SGSM2: variants seen among roughly 807,000 people sequenced by gnomAD.
SGSM2 encodes the protein small G protein signaling modulator 2.
Under a neutral mutation model 126.6 loss-of-function variants are expected in SGSM2, and 89 were observed. The ratio of observed to expected loss-of-function variants is 0.70; its 90% CI spans 0.59 to 0.84. SGSM2 has a LOEUF of 0.84. Among genes scored for constraint, SGSM2 ranks in the 40% least tolerant of loss-of-function variants. The pLI is 0.00. For synonymous variants in SGSM2, 614 were observed against 574.3 expected, an observed-to-expected ratio of 1.07 and a Z score of -0.99; for missense variants, 1,404 against 1,416.6, an observed-to-expected ratio of 0.99 and a Z score of 0.14.
At chr17:2,378,996 C>T (rs531701114) in intron 22 of SGSM2, 40 bp from the exon 23 acceptor site, 7 of 1,586,482 alleles carry the variant, frequency 4.4e-6, no homozygotes, top group East Asian at 2.3e-5. Context: ...CCCAGATATG[C>T]GGCTAGGACG....
chr17:2,375,711 G>C lies in SGSM2; in HGVS notation c.2320G>C (p.Val774Leu). The change falls in exon 18 of 24, where the codon GTG (valine) becomes CTG (leucine). Residue 774 changes from valine (V) to leucine (L), a missense_variant. Coordinates refer to ENST00000268989, the MANE Select transcript of SGSM2 (RefSeq NM_014853.3). Reference sequence around the variant, plus strand: ...GTCAAGCCTAGATGAGGGGCAGAGCGTGGGCTTCGAAGAGGAGGACGGCGG... The same window carrying C: ...GTCAAGCCTAGATGAGGGGCAGAGCCTGGGCTTCGAAGAGGAGGACGGCGG... Reference protein sequence around the residue: ...IQSSLDEGQSVGFEEEDGGGE... With the variant: ...IQSSLDEGQSLGFEEEDGGGE... 6.2e-7 allele frequency: 1 copy of C among 1,611,900 alleles called. No homozygotes were observed. Among genetic ancestry groups the C allele is most frequent in the Non-Finnish European group, 8.5e-7 (1 of 1,178,344 alleles).
chr17:2,343,743 C>T, intron 2 of SGSM2, 123 bp downstream of exon 2: 1 of 798,104 alleles, frequency 1.3e-6, no homozygotes, highest in Non-Finnish European at 2.1e-6. Flanking sequence ...TCCAAATCAA[C>T]CTGGAAGCTT....
Position 2,376,250 on chromosome 17 carries a change from C to G in SGSM2, c.2598C>G (p.Asp866Glu). The G allele has an allele frequency of 6.2e-7, 1 of 1,613,302 alleles. No individual in the cohort carries two copies. The highest frequency in any genetic ancestry group is 8.5e-7 in the Non-Finnish European group (1 of 1,179,744). ...FTPPNLERLR[D>E]VMCSYVWEHL... ...CCCCCAACCTCGAGAGGCTCAGAGA[C>G]GTCATGTGCAGGTGCCTTGTGGGGC... Residue 866 changes from aspartate to glutamate, a missense_variant, in exon 19 of 24, where the codon GAC becomes GAG. Physicochemically the swap from Asp to Glu is conservative, Grantham distance 45. Coordinates refer to ENST00000268989, the MANE Select transcript of SGSM2 (RefSeq NM_014853.3).
intron 9 of SGSM2, 34 bp from the exon 10 acceptor site, chr17:2,364,863 G>T: frequency 6.3e-7 from 1 of 1,597,986 alleles, no homozygotes; most frequent in Non-Finnish European, 8.5e-7. Flanking sequence ...GCCGACGAGA[G>T]GGCCTCAGCC....
intron 13 of SGSM2, chr17:2,371,725 G>A (rs753178626): frequency 6.6e-5 from 27 of 408,630 alleles, no homozygotes; most frequent in Non-Finnish European, 1.1e-4. Flanking sequence ...GCACATCATG[G>A]GCTCAGTGCC....
At chr17:2,354,390 ACCTC>A (rs1216382849) in intron 2 of SGSM2, among the ~76,000 whole-genome samples, 1 of 151,890 alleles carries the variant, frequency 6.6e-6, no homozygotes, top group Admixed American at 6.6e-5. Flanking sequence ...CTTTGTTCAC[ACCTC>A]CCTTTTTGTA....
At position 2,367,357 on chromosome 17, in the gene SGSM2, C is replaced by A. The variant is rs759235328; in HGVS notation, c.1375C>A (p.Leu459Ile). Reference protein sequence around the residue: ...EEEEDKLHAMLSMICSRNLTA... With the variant: ...EEEEDKLHAMISMICSRNLTA... ...AGAGGAGGATAAACTGCACGCGATG[C>A]TCTCAATGATCTGCTCGCGGAACCT... Residue 459 changes from leucine to isoleucine, a missense_variant, in exon 12 of 24, where the codon CTC (leucine) becomes ATC (isoleucine). Physicochemically the swap from Leu to Ile is conservative, Grantham distance 5. Transcript: ENST00000268989. This position sits in a 1 kb window ranked among gnomAD's most constrained non-coding sequence, Gnocchi z 4.0. 6.2e-7 allele frequency: 1 copy of A among 1,614,214 alleles called. No individual in the cohort carries two copies. The highest frequency in any genetic ancestry group is 1.1e-5 in the South Asian group (1 of 91,088).
intron 2 of SGSM2, among the ~76,000 whole-genome samples, chr17:2,358,100 T>G (rs1329862447): frequency 6.6e-6 from 1 of 152,232 alleles, no homozygotes; most frequent in East Asian, 1.9e-4. Flanking sequence ...GCCACCACCC[T>G]CCACCCTGGG....
chr17:2,365,130 G>A (rs949952044), intron 10 of SGSM2, 73 bp downstream of exon 10: 16 of 1,596,214 alleles, frequency 1.0e-5, no homozygotes, highest in East Asian at 6.7e-5. Context: ...CCTTCCCCAC[G>A]TGGAGTTCTT....
chr17:2,350,481 A>G (rs2064797557), intron 2 of SGSM2, among the ~76,000 whole-genome samples: 1 of 151,720 alleles, frequency 6.6e-6, no homozygotes, highest in Non-Finnish European at 1.5e-5. Flanking sequence ...GTGGTGGCGC[A>G]CGTCTATAAT....
chr17:2,372,959 A>G lies in SGSM2; in HGVS notation c.1795A>G (p.Lys599Glu). The change falls in exon 16 of 24, where the codon AAA becomes GAA. Residue 599 changes from lysine (K) to glutamate (E), a missense_variant. Physicochemically the swap from Lys to Glu is moderately conservative, Grantham distance 56. Coordinates refer to ENST00000268989, the MANE Select transcript of SGSM2 (RefSeq NM_014853.3). This position sits in a 1 kb window ranked among gnomAD's most constrained non-coding sequence, Gnocchi z 6.0. ...SKYQKDKKNY[K>E]ELELLRQVYY... Reference sequence around the variant, plus strand: ...GACTCCCCGGGTCCCTCAGAACTACAAAGAGCTGGAGCTGCTGCGGCAAGT... The same window carrying G: ...GACTCCCCGGGTCCCTCAGAACTACGAAGAGCTGGAGCTGCTGCGGCAAGT... 1.3e-6 allele frequency: 2 copies of G among 1,564,756 alleles called. No individual in the cohort carries two copies. Among genetic ancestry groups the G allele is most frequent in the East Asian group, 2.4e-5 (1 of 41,918 alleles).
chr17:2,377,772 C>A lies in SGSM2; in HGVS notation c.2803-85C>A, dbSNP rs2066245149. The A allele has an allele frequency of 2.1e-5, 18 of 867,042 alleles. No homozygotes were observed. The South Asian group carries it at 2.6e-4, about 12-fold the overall frequency. 53.7% of individuals were successfully genotyped at this position (867,042 alleles called of 1,614,324 possible). On this transcript the variant is annotated intron_variant, in intron 21 of 23. Transcript: ENST00000268989. ...TGCCAGGTTGGGGATCGCCTGCATC[C>A]CTGGGCGTGAGCGGACGGTGAGTGG...
chr17:2,351,912 C>T (rs1457278760), intron 2 of SGSM2, among the ~76,000 whole-genome samples: 1 of 152,120 alleles, frequency 6.6e-6, no homozygotes, highest in African/African-American at 2.4e-5. Flanking sequence ...TTGAAGCAAA[C>T]AACCAGTATC....
At chr17:2,360,529 C>T (rs1487323362) in intron 2 of SGSM2, among the ~76,000 whole-genome samples, 2 of 152,206 alleles carry the variant, frequency 1.3e-5, no homozygotes, top group African/African-American at 4.8e-5. Context: ...GGTGAGGAGT[C>T]AGGAACTGAC....
At chr17:2,360,858 G>C (rs2065278757) in intron 2 of SGSM2, among the ~76,000 whole-genome samples, 1 of 152,262 alleles carries the variant, frequency 6.6e-6, no homozygotes, top group South Asian at 2.1e-4. Context: ...CTGCCATGTT[G>C]TGACTGTGAT....
At chr17:2,366,210 C>T (rs1255680300) in intron 11 of SGSM2, among the ~76,000 whole-genome samples, 1 of 152,102 alleles carries the variant, frequency 6.6e-6, no homozygotes, top group Non-Finnish European at 1.5e-5. Flanking sequence ...GCGGCTTGGC[C>T]CTTGTGGGTC....
At position 2,372,826 on chromosome 17, in the gene SGSM2, GGCCTTGCCTGGGCTTCA is replaced by G; in HGVS notation, c.1789-124_1789-108del. 1 of 1,327,172 alleles carries G rather than the reference GGCCTTGCCTGGGCTTCA, an allele frequency of 7.5e-7. No individual in the cohort carries two copies. The highest frequency in any genetic ancestry group is 1.0e-6 in the Non-Finnish European group (1 of 985,070). 82.2% of individuals were successfully genotyped at this position (1,327,172 alleles called of 1,614,324 possible). A position where few individuals can be genotyped will look rare whatever the true frequency, so the allele number is the denominator to read the frequency against. On this transcript the variant is annotated intron_variant, in intron 15 of 23. Coordinates refer to ENST00000268989, the MANE Select transcript of SGSM2 (RefSeq NM_014853.3). The surrounding 1 kb of genome is among the most constrained non-coding windows in gnomAD (Gnocchi z 6.0). ...GGGAGGACGTGGCCACCCCAAAGCA[GGCCTTGCCTGGGCTTCA>G]GCAGTCACTACAGGCCCCGCCCCAG...
At chr17:2,342,718 C>A (rs1260678551) in intron 1 of SGSM2, among the ~76,000 whole-genome samples, 1 of 146,756 alleles carries the variant, frequency 6.8e-6, no homozygotes, top group Non-Finnish European at 1.5e-5. Context: ...TGGCTCACGC[C>A]TGTAATCCCA....
intron 2 of SGSM2, among the ~76,000 whole-genome samples, chr17:2,345,845 A>T (rs1199425405): frequency 1.3e-5 from 2 of 152,168 alleles, no homozygotes; most frequent in Admixed American, 6.5e-5. Flanking sequence ...ATTGGTGCTC[A>T]GTGGTGAGCT....
Sources: allele counts gnomAD v4.1 joint callset (sites outside exome capture counted in the v4.1 genomes callset), GRCh38; gene constraint gnomAD v4.1.1; non-coding constraint Gnocchi (gnomAD v3.1); transcripts MANE v1.5; gene names NCBI Gene and HGNC (gene_info 2026-07-23, HGNC 2026-07-21).